Variants in CDK5RAP1 observed in about 807,000 individuals in gnomAD.
The protein encoded by CDK5RAP1 is mitochondrial tRNA methylthiotransferase CDK5RAP1.
In CDK5RAP1, 62 loss-of-function variants were observed where a neutral mutation model predicts 64.5. That is an observed-to-expected ratio of 0.96 (90% CI 0.78 to 1.19). The LOEUF (loss-of-function observed/expected upper bound fraction) is 1.19. CDK5RAP1 is among the 50% of genes most tolerant of loss of function. The pLI, the probability that CDK5RAP1 is intolerant of heterozygous loss-of-function variation, is 0.00. For missense variants in CDK5RAP1, 657 were observed against 735.0 expected, an observed-to-expected ratio of 0.89 and a Z score of 1.23; for synonymous variants, 250 against 261.9, an observed-to-expected ratio of 0.95 and a Z score of 0.44.
chr20:33,398,678 G>A (rs992597317), intron 1 of CDK5RAP1, among the ~76,000 whole-genome samples: 21 of 151,954 alleles, frequency 1.4e-4, no homozygotes, highest in Non-Finnish European at 2.9e-4. Flanking sequence ...TATAATCCCA[G>A]CATTTTGGGA....
In CDK5RAP1 at chr20:33,397,057, G is replaced by A; in HGVS notation, c.8C>T (p.Pro3Leu). Residue 3 changes from proline (P) to leucine (L), a missense_variant, in exon 2 of 14, where the codon CCT becomes CTT. By Grantham distance (98) the Pro-to-Leu change is moderately conservative. Transcript: ENST00000346416. MH[P>L]LQCVLQVQRS... ...CTGCACTTGGAGGACACACTGTAAA[G>A]GGTGCATGGCACTAAACAGCCCACA... 1 of 1,608,814 alleles carries A rather than the reference G, an allele frequency of 6.2e-7. No homozygotes were observed. The highest frequency in any genetic ancestry group is 8.5e-7 in the Non-Finnish European group (1 of 1,177,526).
rs1988233171 is a variant in CDK5RAP1 at position 33,390,934 on chromosome 20, C to T, written c.544+1208G>A. On this transcript the variant is annotated intron_variant, in intron 5 of 13. Transcript: ENST00000346416. ...GAGAAATGTCTCCAGTCATATAGAT[C>T]AGAACTGCCCAACATAACTTTCTAA... Among the ~76,000 whole-genome samples, 3 of 152,214 alleles carry T rather than the reference C, an allele frequency of 2.0e-5. No homozygotes were observed. The South Asian group carries it at 6.2e-4, about 32-fold the overall frequency.
At chr20:33,385,207 T>G (rs1243313881) in intron 7 of CDK5RAP1, among the ~76,000 whole-genome samples, 1 of 152,204 alleles carries the variant, frequency 6.6e-6, no homozygotes, top group African/African-American at 2.4e-5. Flanking sequence ...AGTGATAAAA[T>G]GAACAATAAA....
Position 33,401,425 on chromosome 20 carries a change from C to G in CDK5RAP1, c.-21+3G>C, listed in dbSNP as rs1989405469. Reference sequence around the variant, plus strand: ...AGCCCACCCCGGCGGCCGCGCTGCTCACCTCCCGCAGCAGCAACAGTGCCC... The same window carrying G: ...AGCCCACCCCGGCGGCCGCGCTGCTGACCTCCCGCAGCAGCAACAGTGCCC... On this transcript the variant is annotated splice_donor_region_variant and intron_variant, in intron 1 of 13. Transcript: ENST00000346416. 1 of 985,496 alleles carries G rather than the reference C, an allele frequency of 1.0e-6. No homozygotes were observed. Among genetic ancestry groups the G allele is most frequent in the Non-Finnish European group, 1.2e-6 (1 of 829,960 alleles). 61.0% of individuals were successfully genotyped at this position (985,496 alleles called of 1,614,324 possible). A position where few individuals can be genotyped will look rare whatever the true frequency, so the allele number is the denominator to read the frequency against.
chr20:33,363,871 C>G (rs1983389192), intron 12 of CDK5RAP1, among the ~76,000 whole-genome samples: 1 of 151,798 alleles, frequency 6.6e-6, no homozygotes, highest in South Asian at 2.1e-4. Flanking sequence ...CACACTCCAG[C>G]CAGGGAGACA....
intron 12 of CDK5RAP1, 82 bp from the exon 13 acceptor site, chr20:33,360,573 C>T (rs1982736598): frequency 5.4e-6 from 7 of 1,296,898 alleles, no homozygotes; most frequent in Admixed American, 2.2e-5. Context: ...TTCTCTGTCT[C>T]GGATCCCCAA....
chr20:33,392,166 C>G lies in CDK5RAP1; in HGVS notation c.520G>C (p.Val174Leu), dbSNP rs571552157. Residue 174 changes from valine (V) to leucine (L), a missense_variant, in exon 5 of 14, where the codon GTT (valine) becomes CTT (leucine). Physicochemically the swap from Val to Leu is conservative, Grantham distance 32. Transcript: ENST00000346416. ...CCTAGAATTCCAATCCTCAGAGGAA[C>G]CCGGGAGCGGGGCCGCCTTGTCTTC... ...ALKTRRPRSRVPLRIGILGCM... is the reference protein window; with the variant it reads ...ALKTRRPRSRLPLRIGILGCM... 5 of 1,612,584 alleles carry G rather than the reference C, an allele frequency of 3.1e-6. No individual in the cohort carries two copies. In the African/African-American group the frequency reaches 5.3e-5, roughly 17 times the overall value.
At chr20:33,370,750 A>C (rs757152226) in intron 10 of CDK5RAP1, 121 bp from the exon 11 acceptor site, 1 of 994,092 alleles carries the variant, frequency 1.0e-6, no homozygotes, top group African/African-American at 1.6e-5. Flanking sequence ...AGGACTATTC[A>C]TAAGTAAAAC....
chr20:33,379,439 T>C, intron 8 of CDK5RAP1, 22 bp downstream of exon 8: 1 of 1,545,026 alleles, frequency 6.5e-7, no homozygotes, highest in Non-Finnish European at 8.9e-7. Context: ...TATCAGTTTG[T>C]CACAGCTAAC....
Position 33,374,398 on chromosome 20 carries a change from A to G in CDK5RAP1, c.1108-186T>C, listed in dbSNP as rs529557867. On this transcript the variant is annotated intron_variant, in intron 8 of 13. Coordinates refer to ENST00000346416, the MANE Select transcript of CDK5RAP1 (RefSeq NM_016408.4). ...AAGCCCCATTCTATTTGTCTCAGAC[A>G]CTTCACCTGATGGCATCTCTGCTTT... 2.0e-5 allele frequency among the ~76,000 whole-genome samples: 3 copies of G among 152,322 alleles called. No homozygotes were observed. In the East Asian group the frequency reaches 5.8e-4, roughly 29 times the overall value.
intron 12 of CDK5RAP1, among the ~76,000 whole-genome samples, chr20:33,364,881 T>C (rs971485570): frequency 5.3e-5 from 8 of 151,820 alleles, no homozygotes; most frequent in African/African-American, 1.9e-4. Context: ...GCCTCTTTTT[T>C]TTTTTTTTTG....
intron 4 of CDK5RAP1, among the ~76,000 whole-genome samples, 179 bp downstream of exon 4, chr20:33,393,853 G>A (rs1454881344): frequency 2.0e-5 from 3 of 152,060 alleles, no homozygotes; most frequent in Admixed American, 6.6e-5. Context: ...CTGACACCAC[G>A]GTACATGCCC....
chr20:33,389,218 G>A (rs1987932948), intron 5 of CDK5RAP1, among the ~76,000 whole-genome samples: 1 of 151,280 alleles, frequency 6.6e-6, no homozygotes, highest in Non-Finnish European at 1.5e-5. Flanking sequence ...GAGATGTGGG[G>A]AGTGCCTCTG....
intron 8 of CDK5RAP1, among the ~76,000 whole-genome samples, chr20:33,375,244 A>G (rs1985793341): frequency 6.6e-6 from 1 of 151,760 alleles, no homozygotes; most frequent in Non-Finnish European, 1.5e-5. Flanking sequence ...TCTACTAAAA[A>G]TACAAAAATT....
chr20:33,366,156 T>C (rs1316258979), intron 12 of CDK5RAP1, among the ~76,000 whole-genome samples: 1 of 151,556 alleles, frequency 6.6e-6, no homozygotes. Flanking sequence ...CTGTCTCTAC[T>C]AAAAATACAA....
At chr20:33,380,231 T>TTTC (rs375195575) in intron 7 of CDK5RAP1, among the ~76,000 whole-genome samples, 1 of 152,188 alleles carries the variant, frequency 6.6e-6, no homozygotes, top group African/African-American at 2.4e-5. Context: ...TTTAGATTTT[T>TTTC]TTCTTCTTCT....
At position 33,366,916 on chromosome 20, in the gene CDK5RAP1, T is replaced by C; in HGVS notation, c.1485A>G (p.Glu495=). 5 of 1,614,108 alleles carry C rather than the reference T, an allele frequency of 3.1e-6. No homozygotes were observed. The highest frequency in any genetic ancestry group is 4.2e-6 in the Non-Finnish European group (5 of 1,180,010). ...CAGAGGTCTGATTGGCTTTTGTTGC[T>C]TCTTCTCGGAAGATAGTGATGAGTT... ...LEELITIFRE[E]ATKANQTSVG... The change falls in exon 12 of 14, where the codon GAA becomes GAG. Residue 495 remains glutamate, a synonymous_variant. Coordinates refer to ENST00000346416, the MANE Select transcript of CDK5RAP1 (RefSeq NM_016408.4).
At chr20:33,360,574 G>A (rs770000693) in intron 12 of CDK5RAP1, 83 bp from the exon 13 acceptor site, 34 of 1,267,994 alleles carry the variant, frequency 2.7e-5, no homozygotes, top group Admixed American at 2.6e-4. Flanking sequence ...TCTCTGTCTC[G>A]GATCCCCAAG....
At position 33,359,045 on chromosome 20, in the gene CDK5RAP1, A is replaced by T. The variant is rs1469534590; in HGVS notation, c.1762T>A (p.Ter588ArgextTer50). ...AGCTCTGAGGCCATCCTCTCAGGTC[A>T]GCAATATGCAGAAGAGTCCCTCAGA... is the stretch of plus-strand genomic sequence containing the variant. The part of the protein sequence containing the change: ...TTLRDSSAYC[*>R] The change falls in exon 14 of 14, where the codon TGA (stop) becomes AGA (arginine). Residue 588 changes from the stop codon to arginine, a stop_lost. Transcript: ENST00000346416. 1 of 1,610,208 alleles carries T rather than the reference A, an allele frequency of 6.2e-7. No individual in the cohort carries two copies. The highest frequency in any genetic ancestry group is 1.7e-5 in the Admixed American group (1 of 60,008).
Sources: allele counts gnomAD v4.1 joint callset (sites outside exome capture counted in the v4.1 genomes callset), GRCh38; gene constraint gnomAD v4.1.1; transcripts MANE v1.5; gene names NCBI Gene and HGNC (gene_info 2026-07-23, HGNC 2026-07-21).